Variants in CALD1 observed in about 807,000 individuals in gnomAD.
CALD1 encodes caldesmon 1.
A neutral mutation model predicts 99.9 loss-of-function variants in CALD1; 33 were observed. The ratio of observed to expected loss-of-function variants is 0.33; its 90% CI spans 0.25 to 0.44. CALD1 has a LOEUF of 0.44. Among genes scored for constraint, CALD1 ranks in the 20% least tolerant of loss-of-function variants. CALD1 has a pLI of 1.00. For missense variants in CALD1, 861 were observed against 962.1 expected (o/e 0.89, Z 1.39); for synonymous variants, 310 against 325.0 (o/e 0.95, Z 0.50).
intron 2 of CALD1, among the ~76,000 whole-genome samples, chr7:134,862,058 T>A (rs993034): frequency 0.66 from 100,021 of 152,096 alleles, 33,353 homozygotes; most frequent in East Asian, 0.94. Flanking sequence ...GCTAATTCAA[T>A]TGAGATCTTT....
intron 1 of CALD1, among the ~76,000 whole-genome samples, chr7:134,809,192 G>A (rs1585996033): frequency 6.6e-6 from 1 of 152,162 alleles, no homozygotes; most frequent in South Asian, 2.1e-4. Flanking sequence ...GGTAGTATAC[G>A]TACTACAATC....
the CALD1 span, among the ~76,000 whole-genome samples, chr7:134,724,430 A>G: frequency 3.9e-5 from 6 of 152,208 alleles, no homozygotes; most frequent in South Asian, 6.2e-4. Context: ...TCAGAAAGAT[A>G]TAAGTCTGAA....
chr7:134,901,507 G>C (rs181580086), intron 3 of CALD1, among the ~76,000 whole-genome samples: 30 of 152,162 alleles, frequency 2.0e-4, no homozygotes, highest in Non-Finnish European at 1.0e-4. Flanking sequence ...GGAGCTTCTG[G>C]GTAATCACAA....
rs1198790028 is a variant in CALD1 at position 134,941,220 on chromosome 7, T to G, written c.1515T>G (p.His505Gln). ...NGEFMTHKLK[H>Q]TENTFSRPGG... is the part of the protein sequence containing the mutation. ...AATTCATGACCCACAAACTTAAACATACTGAGAATACTTTCAGGTAAGAAG... is the reference window on the plus strand; with the variant it reads ...AATTCATGACCCACAAACTTAAACAGACTGAGAATACTTTCAGGTAAGAAG... Residue 505 changes from histidine (H) to glutamine (Q), a missense_variant, in exon 7 of 15, where the codon CAT (histidine) becomes CAG (glutamine). Physicochemically the swap from His to Gln is conservative, Grantham distance 24. Transcript: ENST00000361675. 6.2e-7 allele frequency: 1 copy of G among 1,601,808 alleles called. No homozygotes were observed. The highest frequency in any genetic ancestry group is 1.4e-5 in the African/African-American group (1 of 73,760).
At chr7:134,843,683 A>T (rs1428230373) in intron 1 of CALD1, among the ~76,000 whole-genome samples, 1 of 152,256 alleles carries the variant, frequency 6.6e-6, no homozygotes, top group East Asian at 1.9e-4. Flanking sequence ...ATTTATTCAG[A>T]ATAAATGGAT....
At chr7:134,867,011 T>G (rs190753373) in intron 2 of CALD1, 95 of 152,290 alleles carry the variant, frequency 6.2e-4, no homozygotes, top group African/African-American at 2.2e-3. Flanking sequence ...GGGGAAGGTC[T>G]TTCCGGAATT....
chr7:134,785,679 A>G (rs1797276856), intron 1 of CALD1, among the ~76,000 whole-genome samples: 1 of 152,198 alleles, frequency 6.6e-6, no homozygotes, highest in South Asian at 2.1e-4. Flanking sequence ...TCTGAAAGGC[A>G]TGGATACATA....
intron 9 of CALD1, among the ~76,000 whole-genome samples, chr7:134,957,384 G>T (rs1172179254): frequency 1.3e-5 from 2 of 151,902 alleles, no homozygotes; most frequent in Non-Finnish European, 2.9e-5. Context: ...GTAACAGTGT[G>T]TGTTTTTGAA....
chr7:134,908,986 C>T (rs1803599218), intron 3 of CALD1, among the ~76,000 whole-genome samples: 2 of 152,052 alleles, frequency 1.3e-5, no homozygotes, highest in Non-Finnish European at 2.9e-5. Context: ...GAGTGAAGTA[C>T]TCTGCCAGGT....
At chr7:134,809,638 G>T (rs546964093) in intron 1 of CALD1, 1 of 152,172 alleles carries the variant, frequency 6.6e-6, no homozygotes, top group Non-Finnish European at 1.5e-5. Context: ...GTATAATTGT[G>T]TATGTTTTTA....
intron 3 of CALD1, chr7:134,891,643 A>G: frequency 6.2e-7 from 1 of 1,607,894 alleles, no homozygotes; most frequent in South Asian, 1.1e-5. Context: ...TCCGGATCGC[A>G]TGGAAGACGC....
chr7:134,793,266 G>C (rs954814341), intron 1 of CALD1, among the ~76,000 whole-genome samples: 12 of 152,198 alleles, frequency 7.9e-5, no homozygotes, highest in African/African-American at 2.9e-4. Context: ...TATATATGCT[G>C]ATCACAACCA....
Position 134,965,374 on chromosome 7 carries a change from T to G in CALD1, c.2364T>G (p.Thr788=). 1 of 1,517,742 alleles carries G rather than the reference T, an allele frequency of 6.6e-7. No individual in the cohort carries two copies. The allele number at this position is 1,517,742 out of a possible 1,614,324, so 94.0% of individuals were successfully genotyped here. A position where few individuals can be genotyped will look rare whatever the true frequency, so the allele number is the denominator to read the frequency against. The change falls in exon 14 of 15, where the codon ACT becomes ACG. Residue 788 remains threonine (T), a synonymous_variant. Transcript: ENST00000361675. ...AAAAGCAATCTGTGGATAAGGTCAC[T>G]TCCCCCACTAAGGTAATCTATTGGG... ...LWEKQSVDKV[T]SPTKV
Position 134,933,176 on chromosome 7 carries a change from G to A in CALD1, c.407G>A (p.Arg136Lys), listed in dbSNP as rs75358773. The A allele has an allele frequency of 5.4e-3, 8,786 of 1,612,926 alleles. 87 individuals are homozygous for A. The highest frequency in any genetic ancestry group is 0.029 in the South Asian group (2,625 of 90,920). Reference protein sequence around the residue: ...TDASLSLPSRRMQNDTAENET... With the variant: ...TDASLSLPSRKMQNDTAENET... ...GCAAGTCTGTCGCTCCCAAGCAGAA[G>A]AATGCAAAATGACACAGCAGAAAAT... Residue 136 changes from arginine to lysine, a missense_variant, in exon 5 of 15, where the codon AGA becomes AAA. Arg to Lys is a conservative substitution (Grantham distance 26). Coordinates refer to ENST00000361675, the MANE Select transcript of CALD1 (RefSeq NM_033138.4).
At chr7:134,772,154 G>A (rs142821689) in intron 1 of CALD1, among the ~76,000 whole-genome samples, 1 of 151,032 alleles carries the variant, frequency 6.6e-6, no homozygotes, top group African/African-American at 2.4e-5. Context: ...CAGTGCAGTG[G>A]TGCAAACATG....
rs1197272755 is a variant in CALD1, at chr7:134,970,001, G to T, written c.*1656G>T. On this transcript the variant is annotated 3_prime_UTR_variant, in exon 15 of 15. Coordinates refer to ENST00000361675, the MANE Select transcript of CALD1 (RefSeq NM_033138.4). ...TCCTCCAGAAGAGCTAACCAGGGCA[G>T]GGCTGGCATGAGAAGTGACATCTGC... The T allele has an allele frequency of 2.0e-5, 3 of 152,456 alleles. 1 individual carries two copies. In the South Asian group the frequency reaches 6.2e-4, roughly 32 times the overall value. The allele number at this position is 152,456 out of a possible 1,614,324, so 9.4% of individuals were successfully genotyped here.
chr7:134,936,173 G>T (rs907745431), intron 6 of CALD1, among the ~76,000 whole-genome samples: 2 of 151,970 alleles, frequency 1.3e-5, no homozygotes, highest in African/African-American at 2.4e-5. Flanking sequence ...TTTCCAACTG[G>T]CCTTGATTAA....
chr7:134,715,982 A>C, the CALD1 span, among the ~76,000 whole-genome samples: 1 of 152,180 alleles, frequency 6.6e-6, no homozygotes, highest in Non-Finnish European at 1.5e-5. Context: ...TTATACTTTA[A>C]GTTTTAGGGT....
intron 3 of CALD1, among the ~76,000 whole-genome samples, chr7:134,873,019 C>T (rs999406020): frequency 1.3e-5 from 2 of 151,876 alleles, no homozygotes; most frequent in African/African-American, 4.8e-5. Flanking sequence ...CCTGTCTCTA[C>T]TAAAAATACA....
Sources: allele counts gnomAD v4.1 joint callset (sites outside exome capture counted in the v4.1 genomes callset), GRCh38; gene constraint gnomAD v4.1.1; transcripts MANE v1.5; gene names NCBI Gene and HGNC (gene_info 2026-07-23, HGNC 2026-07-21).